GRK3: variants seen among roughly 807,000 people sequenced by gnomAD.
GRK3 encodes adrenergic, beta, receptor kinase 2.
A neutral mutation model predicts 95.7 loss-of-function variants in GRK3; 54 were observed. The ratio of observed to expected loss-of-function variants is 0.56; its 90% CI spans 0.45 to 0.71. GRK3 has a LOEUF of 0.71. Ranked by LOEUF, GRK3 falls within the 30% of genes least tolerant of loss-of-function variation. GRK3 has a pLI of 0.00. For synonymous variants in GRK3, 281 were observed against 290.8 expected, an observed-to-expected ratio of 0.97 and a Z score of 0.34; for missense variants, 649 against 851.2, an observed-to-expected ratio of 0.76 and a Z score of 2.96.
chr22:25,705,610 TCTC>T (rs1050378471), intron 15 of GRK3, among the ~76,000 whole-genome samples: 1 of 148,756 alleles, frequency 6.7e-6, no homozygotes, highest in Admixed American at 6.7e-5. Flanking sequence ...TATAGTATGA[TCTC>T]TCTCTCTCTC....
intron 1 of GRK3, among the ~76,000 whole-genome samples, chr22:25,577,958 A>C (rs1931964082): frequency 6.6e-6 from 1 of 152,224 alleles, no homozygotes; most frequent in South Asian, 2.1e-4. Context: ...TTTAGTTTGA[A>C]ATTATTTCAT....
chr22:25,615,203 A>G (rs1334775398), intron 2 of GRK3, among the ~76,000 whole-genome samples: 3 of 152,166 alleles, frequency 2.0e-5, no homozygotes, highest in Admixed American at 2.0e-4. Flanking sequence ...GCCAGTGTCC[A>G]CGTATTTTCG....
intron 9 of GRK3, among the ~76,000 whole-genome samples, chr22:25,682,999 C>T (rs1372556245): frequency 2.0e-5 from 3 of 152,262 alleles, no homozygotes; most frequent in African/African-American, 7.2e-5. Flanking sequence ...GTAACTCCCT[C>T]CTGTAGCTGT....
chr22:25,713,360 T>G (rs1422501345), intron 17 of GRK3, among the ~76,000 whole-genome samples: 1 of 152,140 alleles, frequency 6.6e-6, no homozygotes, highest in South Asian at 2.1e-4. Flanking sequence ...GAGGAAAAAC[T>G]CTACAGGTCA....
At chr22:25,714,129 A>C (rs951410174) in intron 17 of GRK3, among the ~76,000 whole-genome samples, 1 of 152,204 alleles carries the variant, frequency 6.6e-6, no homozygotes, top group African/African-American at 2.4e-5. Context: ...TTCGTTGGCA[A>C]AACATGTCAT....
chr22:25,708,339 C>T (rs1356176987), intron 15 of GRK3, among the ~76,000 whole-genome samples: 3 of 152,174 alleles, frequency 2.0e-5, no homozygotes, highest in Admixed American at 2.0e-4. Context: ...TGAGGGAAGA[C>T]AGGCATCCAG....
chr22:25,676,911 A>C (rs1235548224), intron 8 of GRK3, among the ~76,000 whole-genome samples: 2 of 152,184 alleles, frequency 1.3e-5, no homozygotes, highest in Non-Finnish European at 2.9e-5. Context: ...TTGCATGCAC[A>C]CTGGCTCTGC....
Position 25,718,398 on chromosome 22 carries a change from C to T in GRK3, c.1791+17C>T. 6.2e-7 allele frequency: 1 copy of T among 1,613,164 alleles called. No homozygotes were observed. The highest frequency in any genetic ancestry group is 8.5e-7 in the Non-Finnish European group (1 of 1,179,426). On this transcript the variant is annotated intron_variant, in intron 19 of 20. Coordinates refer to ENST00000324198, the MANE Select transcript of GRK3 (RefSeq NM_005160.4). Reference sequence around the variant, plus strand: ...GAGTCCCGGGTAAGTCTAAGGCAGCCTCACCGAGCATGTTTCCCAGTACGT... The same window carrying T: ...GAGTCCCGGGTAAGTCTAAGGCAGCTTCACCGAGCATGTTTCCCAGTACGT...
intron 13 of GRK3, among the ~76,000 whole-genome samples, chr22:25,699,387 C>G (rs559622810): frequency 6.6e-6 from 1 of 152,186 alleles, no homozygotes; most frequent in Non-Finnish European, 1.5e-5. Context: ...ACTCCTGGGG[C>G]GCCTGTCCTC....
At chr22:25,679,235 G>A (rs2085056119) in intron 9 of GRK3, among the ~76,000 whole-genome samples, 1 of 152,180 alleles carries the variant, frequency 6.6e-6, no homozygotes, top group Non-Finnish European at 1.5e-5. Flanking sequence ...CTAAACGACT[G>A]GCAAGAAGGA....
chr22:25,578,785 A>G (rs1382556649), intron 1 of GRK3, among the ~76,000 whole-genome samples: 2 of 152,156 alleles, frequency 1.3e-5, no homozygotes, highest in African/African-American at 2.4e-5. Flanking sequence ...CCGCAGTCCT[A>G]CTGACACTCT....
At chr22:25,577,151 TGTCAGTTACTCTA>T (rs1471893069) in intron 1 of GRK3, among the ~76,000 whole-genome samples, 1 of 152,152 alleles carries the variant, frequency 6.6e-6, no homozygotes, top group Non-Finnish European at 1.5e-5. Flanking sequence ...TGAACACGTT[TGTCAGTTACTCTA>T]GATACAATAA....
chr22:25,568,014 C>G (rs184665008), intron 1 of GRK3, among the ~76,000 whole-genome samples: 1 of 152,168 alleles, frequency 6.6e-6, no homozygotes, highest in African/African-American at 2.4e-5. Context: ...CCTGGAAAAG[C>G]TGACTGTTTG....
At chr22:25,679,525 C>G (rs2085058393) in intron 9 of GRK3, among the ~76,000 whole-genome samples, 1 of 152,216 alleles carries the variant, frequency 6.6e-6, no homozygotes, top group South Asian at 2.1e-4. Flanking sequence ...CCTACATCTT[C>G]TTTACTTACT....
chr22:25,713,076 T>C (rs1249894640), intron 17 of GRK3, among the ~76,000 whole-genome samples: 2 of 152,216 alleles, frequency 1.3e-5, no homozygotes, highest in East Asian at 3.8e-4. Flanking sequence ...GTCATAAAGA[T>C]CAAGTCTTTC....
At chr22:25,695,310 T>C (rs2146444385) in intron 13 of GRK3, 96 bp downstream of exon 13, 1 of 832,622 alleles carries the variant, frequency 1.2e-6, no homozygotes, top group Non-Finnish European at 2.0e-6. Context: ...GCTAATGTTA[T>C]TTTAAATCAC....
chr22:25,691,150 G>A (rs1363542504), intron 12 of GRK3, among the ~76,000 whole-genome samples: 1 of 152,216 alleles, frequency 6.6e-6, no homozygotes, highest in Non-Finnish European at 1.5e-5. Context: ...GATGATCTGG[G>A]TGGAAAGTAT....
At chr22:25,586,563 G>A (rs1210027407) in intron 1 of GRK3, among the ~76,000 whole-genome samples, 1 of 152,280 alleles carries the variant, frequency 6.6e-6, no homozygotes, top group African/African-American at 2.4e-5. Context: ...AAATGATATA[G>A]CAGTGATGTA....
chr22:25,679,257 G>T (rs1031799633), intron 9 of GRK3, among the ~76,000 whole-genome samples: 24 of 152,166 alleles, frequency 1.6e-4, no homozygotes, highest in Admixed American at 7.9e-4. Flanking sequence ...TAACCTAGAG[G>T]GGAAAAGTAA....
Sources: gnomAD v4.1 joint callset for allele counts (sites outside exome capture counted in the v4.1 genomes callset) on GRCh38, gnomAD v4.1.1 for gene constraint, MANE v1.5 for transcripts, NCBI Gene and HGNC (gene_info 2026-07-23, HGNC 2026-07-21) for gene names.